SH3PXD2A: variants seen among roughly 807,000 people sequenced by gnomAD.
SH3PXD2A encodes the protein SH3 and PX domains 2A, also known as SH3 and PX domain-containing protein 2A.
Under a neutral mutation model 115.2 loss-of-function variants are expected in SH3PXD2A, and 32 were observed. The observed-to-expected ratio is 0.28, with a 90% CI of 0.21 to 0.37. The LOEUF is 0.37. SH3PXD2A is among the 10% of genes least tolerant of loss of function. The pLI, the probability that SH3PXD2A is intolerant of heterozygous loss-of-function variation, is 1.00. For missense variants in SH3PXD2A, 1,328 were observed against 1,498.7 expected (o/e 0.89, Z 1.88); for synonymous variants, 610 against 629.1 (o/e 0.97, Z 0.45).
At chr10:103,738,817 G>A (rs912317342) in intron 3 of SH3PXD2A, among the ~76,000 whole-genome samples, 6 of 151,010 alleles carry the variant, frequency 4.0e-5, no homozygotes, top group African/African-American at 9.7e-5. Flanking sequence ...TTCCCGAGAC[G>A]GAGTTTCACT....
rs1202309115 is a variant in SH3PXD2A, at chr10:103,598,572, G to T, written c.*3244C>A. 2 of 152,690 alleles carry T rather than the reference G, an allele frequency of 1.3e-5. No homozygotes were observed. The highest frequency in any genetic ancestry group is 2.4e-5 in the African/African-American group (1 of 41,456). 9.5% of individuals were successfully genotyped at this position (152,690 alleles called of 1,614,324 possible). A position where few individuals can be genotyped will look rare whatever the true frequency, so the allele number is the denominator to read the frequency against. On this transcript the variant is annotated 3_prime_UTR_variant, in exon 15 of 15. Transcript: ENST00000369774. Reference sequence around the variant, plus strand: ...AATACAGTGTCGTTTCACATTTTCAGTCGCAACTCATGGGAAACTAGGTTT... The same window carrying T: ...AATACAGTGTCGTTTCACATTTTCATTCGCAACTCATGGGAAACTAGGTTT...
At position 103,855,421 on chromosome 10, in the gene SH3PXD2A, G is replaced by A. The variant is rs1308500883; in HGVS notation, c.-155C>T. 1.5e-5 allele frequency: 6 copies of A among 411,622 alleles called. No individual in the cohort carries two copies. Among genetic ancestry groups the A allele is most frequent in the Middle Eastern group, 9.6e-4 (2 of 2,078 alleles). 25.5% of individuals were successfully genotyped at this position (411,622 alleles called of 1,614,324 possible). Reference sequence around the variant, plus strand: ...CGGACTCCCGGCGCCCACAGGTCCGGCCCAGGGACGGGGGAGGGTCCCGGA... The same window carrying A: ...CGGACTCCCGGCGCCCACAGGTCCGACCCAGGGACGGGGGAGGGTCCCGGA... On this transcript the variant is annotated 5_prime_UTR_variant, in exon 1 of 15. Coordinates refer to ENST00000369774, the MANE Select transcript of SH3PXD2A (RefSeq NM_001394015.1).
intron 8 of SH3PXD2A, among the ~76,000 whole-genome samples, chr10:103,651,173 G>A (rs1206414722): frequency 1.3e-5 from 2 of 152,128 alleles, no homozygotes; most frequent in African/African-American, 4.8e-5. Context: ...ACTGTAGGCT[G>A]GAGTGCTGAC....
chr10:103,606,551 G>C (rs2036310780), intron 13 of SH3PXD2A, among the ~76,000 whole-genome samples: 2 of 146,930 alleles, frequency 1.4e-5, no homozygotes, highest in African/African-American at 5.0e-5. Context: ...CCGAGCCGAA[G>C]CTGGACTGTA....
chr10:103,634,501 C>A (rs1305576241), intron 8 of SH3PXD2A, among the ~76,000 whole-genome samples: 2 of 152,336 alleles, frequency 1.3e-5, no homozygotes, highest in African/African-American at 2.4e-5. Context: ...GGCTTTACAA[C>A]CAGGGAGTCC....
chr10:103,853,679 G>A (rs1400954728), intron 1 of SH3PXD2A, among the ~76,000 whole-genome samples: 1 of 152,134 alleles, frequency 6.6e-6, no homozygotes, highest in Non-Finnish European at 1.5e-5. Context: ...GAAATGTGAT[G>A]TTTCATTTAA....
chr10:103,732,110 G>A (rs974125809), intron 4 of SH3PXD2A, among the ~76,000 whole-genome samples: 2 of 152,182 alleles, frequency 1.3e-5, no homozygotes, highest in African/African-American at 4.8e-5. Context: ...ACATGTCAAA[G>A]GGTGAGTTGC....
At chr10:103,637,827 C>A (rs1191273518) in intron 8 of SH3PXD2A, among the ~76,000 whole-genome samples, 1 of 152,206 alleles carries the variant, frequency 6.6e-6, no homozygotes, top group Non-Finnish European at 1.5e-5. Context: ...ACACCCAGCA[C>A]AAGGCTGGGC....
At chr10:103,732,140 C>A (rs1306017598) in intron 4 of SH3PXD2A, among the ~76,000 whole-genome samples, 2 of 152,220 alleles carry the variant, frequency 1.3e-5, no homozygotes, top group East Asian at 1.9e-4. Context: ...AACACTCTCT[C>A]ACACTCCTCT....
intron 6 of SH3PXD2A, among the ~76,000 whole-genome samples, chr10:103,680,556 C>A (rs138107978): frequency 1.3e-5 from 2 of 152,152 alleles, no homozygotes; most frequent in Admixed American, 1.3e-4. Flanking sequence ...GGATTACAGG[C>A]GTGAACCACC....
chr10:103,822,189 C>T lies in SH3PXD2A; in HGVS notation c.73-20827G>A, dbSNP rs189132402. 5.4e-4 allele frequency among the ~76,000 whole-genome samples: 83 copies of T among 152,342 alleles called. 1 individual carries two copies. The highest frequency in any genetic ancestry group is 1.9e-3 in the African/African-American group (79 of 41,574). On this transcript the variant is annotated intron_variant, in intron 1 of 14. Coordinates refer to ENST00000369774, the MANE Select transcript of SH3PXD2A (RefSeq NM_001394015.1). ...TACAGGCATGAGCCACTGCGCCTGGCCTTATTTCATCCTTCTCATTTGACT... is the reference window on the plus strand; with the variant it reads ...TACAGGCATGAGCCACTGCGCCTGGTCTTATTTCATCCTTCTCATTTGACT...
At chr10:103,841,889 C>A (rs1463048648) in intron 1 of SH3PXD2A, among the ~76,000 whole-genome samples, 1 of 152,144 alleles carries the variant, frequency 6.6e-6, no homozygotes, top group Non-Finnish European at 1.5e-5. Flanking sequence ...CTCTGGGAGG[C>A]CGAGACGGGT....
chr10:103,744,203 G>C (rs1242149601), intron 3 of SH3PXD2A, among the ~76,000 whole-genome samples: 2 of 150,728 alleles, frequency 1.3e-5, no homozygotes, highest in African/African-American at 4.9e-5. Flanking sequence ...GCCCAGGCTG[G>C]AGTGCAATGG....
chr10:103,625,816 G>T (rs1339994871), intron 9 of SH3PXD2A, among the ~76,000 whole-genome samples: 1 of 152,218 alleles, frequency 6.6e-6, no homozygotes, highest in Non-Finnish European at 1.5e-5. Flanking sequence ...CTTGAGCCCA[G>T]GTGGCAGAGG....
In SH3PXD2A at chr10:103,801,329, T is replaced by C; in HGVS notation, c.106A>G (p.Thr36Ala). ...YIINVTWSDS[T>A]SQTIYRRYSK... ...TACCTCCGGTAGATAGTCTGGGAGG[T>C]GGAGTCAGACCAGGTCACATTGATT... The change falls in exon 2 of 15, where the codon ACC becomes GCC. Residue 36 changes from threonine to alanine, a missense_variant. This residue lies in a region of SH3PXD2A where 110 missense variants were observed against 160.0 expected (regional missense o/e 0.69). Transcript: ENST00000369774. 1 of 1,611,516 alleles carries C rather than the reference T, an allele frequency of 6.2e-7. No homozygotes were observed. The highest frequency in any genetic ancestry group is 1.1e-5 in the South Asian group (1 of 90,990).
At chr10:103,727,803 G>A (rs556238533) in intron 4 of SH3PXD2A, among the ~76,000 whole-genome samples, 2 of 152,250 alleles carry the variant, frequency 1.3e-5, no homozygotes, top group Non-Finnish European at 1.5e-5. Flanking sequence ...GGGGAGCCGC[G>A]TGGAGGGCTC....
chr10:103,682,153 C>T (rs1272054546), intron 6 of SH3PXD2A, among the ~76,000 whole-genome samples: 1 of 152,248 alleles, frequency 6.6e-6, no homozygotes, highest in Non-Finnish European at 1.5e-5. Flanking sequence ...AGGCTTCCAA[C>T]TAGCTGCCTC....
chr10:103,711,462 C>A (rs192418696), intron 5 of SH3PXD2A, among the ~76,000 whole-genome samples: 1 of 152,212 alleles, frequency 6.6e-6, no homozygotes, highest in Non-Finnish European at 1.5e-5. Flanking sequence ...GGAATCAATA[C>A]GCAGGGAACG....
chr10:103,709,152 G>C (rs115652196), intron 5 of SH3PXD2A, among the ~76,000 whole-genome samples: 1,741 of 152,100 alleles, frequency 0.011, 12 homozygotes, highest in Admixed American at 0.019. Context: ...CTCCTACTGG[G>C]ATCTTCTCAA....
Sources: gnomAD v4.1 joint callset for allele counts (sites outside exome capture counted in the v4.1 genomes callset) on GRCh38, gnomAD v4.1.1 for gene constraint, gnomAD v4.1.1 regional missense constraint, MANE v1.5 for transcripts, NCBI Gene and HGNC (gene_info 2026-07-23, HGNC 2026-07-21) for gene names.